The following MND1 variants were observed in gnomAD, a reference collection of about 807,000 sequenced individuals.
MND1 encodes meiotic nuclear divisions 1, also known as meiotic nuclear division protein 1 homolog.
MND1 carries 28 observed loss-of-function variants against 35.1 expected under a neutral mutation model. That is an observed-to-expected ratio of 0.80 (90% CI 0.59 to 1.09). The LOEUF is 1.09. MND1 is among the 50% of genes least tolerant of loss of function. MND1 has a pLI of 0.00. For synonymous variants in MND1, 69 were observed against 70.5 expected (o/e 0.98, Z 0.11); for missense variants, 213 against 239.6 (o/e 0.89, Z 0.73).
At chr4:153,405,235 C>T (rs571289363) in intron 6 of MND1, among the ~76,000 whole-genome samples, 15 of 152,134 alleles carry the variant, frequency 9.9e-5, no homozygotes, top group Non-Finnish European at 1.0e-4. Flanking sequence ...TTTCAAAACT[C>T]GCTACAAGGC....
At chr4:153,377,639 G>A (rs1728546048) in intron 4 of MND1, among the ~76,000 whole-genome samples, 1 of 152,156 alleles carries the variant, frequency 6.6e-6, no homozygotes. Context: ...GTGAAAGTCA[G>A]TTCTGCTTCC....
chr4:153,374,930 A>G (rs1728458037), intron 4 of MND1, among the ~76,000 whole-genome samples: 1 of 152,116 alleles, frequency 6.6e-6, no homozygotes, highest in Non-Finnish European at 1.5e-5. Context: ...GTGCTGTGCT[A>G]AGTTTTTTGG....
intron 4 of MND1, among the ~76,000 whole-genome samples, chr4:153,363,783 A>G (rs17029903): frequency 0.26 from 39,073 of 152,138 alleles, 5,312 homozygotes; most frequent in African/African-American, 0.35. Flanking sequence ...AAGTTACATG[A>G]TGATAAATGC....
chr4:153,404,336 C>G (rs1258078831), intron 6 of MND1, among the ~76,000 whole-genome samples: 1 of 146,094 alleles, frequency 6.8e-6, no homozygotes, highest in Non-Finnish European at 1.5e-5. Context: ...CACGTGCCAC[C>G]ACGCCCAGCT....
At chr4:153,404,901 T>A (rs995061223) in intron 6 of MND1, among the ~76,000 whole-genome samples, 1 of 152,060 alleles carries the variant, frequency 6.6e-6, no homozygotes, top group Non-Finnish European at 1.5e-5. Context: ...TAATTTTTTT[T>A]TTATTATCTT....
chr4:153,409,335 T>G (rs1340985778), intron 7 of MND1, among the ~76,000 whole-genome samples: 1 of 148,482 alleles, frequency 6.7e-6, no homozygotes, highest in Non-Finnish European at 1.5e-5. Context: ...AGATACACTT[T>G]TAAGATAATG....
At chr4:153,400,744 T>C (rs967360830) in intron 6 of MND1, among the ~76,000 whole-genome samples, 1 of 149,692 alleles carries the variant, frequency 6.7e-6, no homozygotes, top group East Asian at 2.0e-4. Context: ...CAAGATAAAA[T>C]TCATTATGTC....
At chr4:153,401,918 G>A (rs549929528) in intron 6 of MND1, among the ~76,000 whole-genome samples, 2 of 152,276 alleles carry the variant, frequency 1.3e-5, no homozygotes, top group Admixed American at 6.5e-5. Context: ...TGCTTTGGAG[G>A]CAGAGGCAGG....
intron 4 of MND1, among the ~76,000 whole-genome samples, chr4:153,368,447 C>A (rs886093374): frequency 6.6e-6 from 1 of 152,200 alleles, no homozygotes; most frequent in African/African-American, 2.4e-5. Flanking sequence ...AAAAAATACT[C>A]ATCTTTCCAG....
At chr4:153,345,323 AC>A (rs765375641) in intron 1 of MND1, 9 of 985,246 alleles carry the variant, frequency 9.1e-6, no homozygotes, top group African/African-American at 1.7e-5. Flanking sequence ...GTTTCGAGTT[AC>A]CTAATGGATC....
Position 153,358,484 on chromosome 4 carries a change from A to C in MND1, c.138A>C (p.Ser46=). Residue 46 remains serine, a synonymous_variant, in exon 4 of 8, where the codon TCA becomes TCC. Transcript: ENST00000240488. ...APKEKGITAM[S]VKEVLQSLVD... ...AAAATTGTCTCTTAGCTGCTATGTC[A>C]GTAAAAGAAGTCCTTCAAAGCTTAG... 1 of 1,598,900 alleles carries C rather than the reference A, an allele frequency of 6.3e-7. No individual in the cohort carries two copies. The highest frequency in any genetic ancestry group is 8.5e-7 in the Non-Finnish European group (1 of 1,173,530).
chr4:153,399,959 T>C (rs574480297), intron 6 of MND1, among the ~76,000 whole-genome samples: 22 of 132,816 alleles, frequency 1.7e-4, no homozygotes, highest in African/African-American at 5.1e-4. Flanking sequence ...TGAAGTGCAG[T>C]GCATGATCAG....
intron 5 of MND1, among the ~76,000 whole-genome samples, chr4:153,395,126 T>C (rs954164072): frequency 6.6e-6 from 1 of 152,232 alleles, no homozygotes; most frequent in African/African-American, 2.4e-5. Context: ...TATTCTTTTA[T>C]GTGAATCATC....
intron 7 of MND1, among the ~76,000 whole-genome samples, chr4:153,414,416 G>C (rs1404408396): frequency 1.3e-5 from 2 of 151,828 alleles, no homozygotes; most frequent in African/African-American, 4.8e-5. Flanking sequence ...CGAGTAGCTG[G>C]GATTACAGGT....
At position 153,405,622 on chromosome 4, in the gene MND1, G is replaced by T. The variant is rs78988754; in HGVS notation, c.467-3349G>T. ...ATAAACCCAATTGATTTTCAACAAA[G>T]GTGCCAAGACCATGGAATCAGGAAA... On this transcript the variant is annotated intron_variant, in intron 6 of 7. Coordinates refer to ENST00000240488, the MANE Select transcript of MND1 (RefSeq NM_032117.4). Among the ~76,000 whole-genome samples the T allele has an allele frequency of 3.4e-3, 523 of 151,816 alleles. 2 individuals are homozygous for T. The highest frequency in any genetic ancestry group is 0.012 in the African/African-American group (481 of 41,406).
chr4:153,386,359 T>C (rs1307520731), intron 4 of MND1, among the ~76,000 whole-genome samples: 1 of 150,930 alleles, frequency 6.6e-6, no homozygotes. Flanking sequence ...TAGCCGGGTA[T>C]GATGGTGCAT....
chr4:153,410,533 C>T (rs1579961043), intron 7 of MND1, among the ~76,000 whole-genome samples: 2 of 152,022 alleles, frequency 1.3e-5, no homozygotes, highest in South Asian at 4.1e-4. Flanking sequence ...TTATTTTTTT[C>T]CTAGTCTATT....
intron 6 of MND1, among the ~76,000 whole-genome samples, chr4:153,408,088 G>T (rs1371176595): frequency 6.6e-6 from 1 of 152,076 alleles, no homozygotes; most frequent in Non-Finnish European, 1.5e-5. Context: ...GCCAACCTGG[G>T]CAACATAGCA....
At chr4:153,391,570 AC>A (rs962366195) in intron 4 of MND1, among the ~76,000 whole-genome samples, 1 of 151,924 alleles carries the variant, frequency 6.6e-6, no homozygotes, top group African/African-American at 2.4e-5. Context: ...TACTAAAAAT[AC>A]AAAAAATTCG....
Sources: allele counts gnomAD v4.1 joint callset (sites outside exome capture counted in the v4.1 genomes callset), GRCh38; gene constraint gnomAD v4.1.1; transcripts MANE v1.5; gene names NCBI Gene and HGNC (gene_info 2026-07-23, HGNC 2026-07-21).